The following ATG5 variants were observed in gnomAD, a reference collection of about 807,000 sequenced individuals.
The protein encoded by ATG5 is autophagy related 5.
In ATG5, 14 loss-of-function variants were observed where a neutral mutation model predicts 36.5. That is an observed-to-expected ratio of 0.38 (90% CI 0.25 to 0.60). The LOEUF (loss-of-function observed/expected upper bound fraction) is 0.60. Among genes scored for constraint, ATG5 ranks in the 20% least tolerant of loss-of-function variants. The probability of loss-of-function intolerance (pLI) is 0.60; values close to 1 mark genes in which losing one functional copy is unlikely to be tolerated. For synonymous variants in ATG5, 95 were observed against 101.5 expected, an observed-to-expected ratio of 0.94 and a Z score of 0.38; for missense variants, 195 against 326.7, an observed-to-expected ratio of 0.60 and a Z score of 3.11.
chr6:106,293,140 AT>A, intron 3 of ATG5, 34 bp from the exon 4 acceptor site: 1 of 1,568,532 alleles, frequency 6.4e-7, no homozygotes, highest in South Asian at 1.1e-5. Flanking sequence ...GAGAAAATAA[AT>A]ATTTAAAGTT....
chr6:106,287,779 G>A (rs776599871), intron 4 of ATG5, among the ~76,000 whole-genome samples: 5 of 151,950 alleles, frequency 3.3e-5, no homozygotes, highest in Non-Finnish European at 7.4e-5. Flanking sequence ...CATGGACAAA[G>A]AGAGAAAAAA....
intron 4 of ATG5, among the ~76,000 whole-genome samples, chr6:106,285,718 T>C (rs1780051040): frequency 6.6e-6 from 1 of 152,240 alleles, no homozygotes; most frequent in African/African-American, 2.4e-5. Flanking sequence ...TGTATATGAA[T>C]TTCCATGAGT....
At chr6:106,262,690 G>T (rs1462418396) in intron 5 of ATG5, among the ~76,000 whole-genome samples, 2 of 152,078 alleles carry the variant, frequency 1.3e-5, no homozygotes, top group Non-Finnish European at 2.9e-5. Flanking sequence ...TTAGGCAGTG[G>T]ATCCAACCCA....
At chr6:106,306,602 C>A (rs1266747403) in intron 3 of ATG5, among the ~76,000 whole-genome samples, 2 of 152,190 alleles carry the variant, frequency 1.3e-5, no homozygotes, top group African/African-American at 4.8e-5. Flanking sequence ...TTGAGAAATC[C>A]TGCTTTACAA....
At chr6:106,216,989 G>T (rs549760179) in intron 6 of ATG5, among the ~76,000 whole-genome samples, 2 of 151,932 alleles carry the variant, frequency 1.3e-5, no homozygotes, top group Admixed American at 6.5e-5. Context: ...CATATGGGTG[G>T]CAGGGGAAAT....
Position 106,316,115 on chromosome 6 carries a change from C to A in ATG5, c.94G>T (p.Ala32Ser), listed in dbSNP as rs1314441812. Residue 32 changes from alanine (A) to serine (S), a missense_variant, in exon 2 of 8, where the codon GCA becomes TCA. By Grantham distance (99) the Ala-to-Ser change is moderately conservative. Coordinates refer to ENST00000369076, the MANE Select transcript of ATG5 (RefSeq NM_004849.4). Reference sequence around the variant, plus strand: ...AATGTACTTACATAGTATGGTTCTGCTTCCCTTTCAGTTATCTCATCCTGA... The same window carrying A: ...AATGTACTTACATAGTATGGTTCTGATTCCCTTTCAGTTATCTCATCCTGA... ...LYQDEITERE[A>S]EPYYLLLPRV... The A allele has an allele frequency of 6.2e-7, 1 of 1,612,808 alleles. No homozygotes were observed. The highest frequency in any genetic ancestry group is 8.5e-7 in the Non-Finnish European group (1 of 1,179,230).
At chr6:106,198,296 T>G (rs1261232155) in intron 7 of ATG5, among the ~76,000 whole-genome samples, 1 of 152,152 alleles carries the variant, frequency 6.6e-6, no homozygotes, top group African/African-American at 2.4e-5. Context: ...AGGTTAGAGT[T>G]TGGTGAACAG....
chr6:106,239,869 C>T (rs1778047455), intron 6 of ATG5, among the ~76,000 whole-genome samples: 1 of 152,214 alleles, frequency 6.6e-6, no homozygotes, highest in Non-Finnish European at 1.5e-5. Flanking sequence ...CAGAGACCAT[C>T]TTGTCTACAA....
At chr6:106,237,377 T>A (rs896775141) in intron 6 of ATG5, among the ~76,000 whole-genome samples, 2 of 152,156 alleles carry the variant, frequency 1.3e-5, no homozygotes, top group Non-Finnish European at 1.5e-5. Context: ...TCAATAAACA[T>A]ATTCATCTTC....
At chr6:106,228,870 A>C (rs866296559) in intron 6 of ATG5, among the ~76,000 whole-genome samples, 5 of 152,154 alleles carry the variant, frequency 3.3e-5, no homozygotes, top group Middle Eastern at 3.4e-3. Flanking sequence ...TGGGTTGGGA[A>C]CCTTGGTCTG....
intron 2 of ATG5, among the ~76,000 whole-genome samples, chr6:106,313,649 A>C (rs746408070): frequency 6.6e-6 from 1 of 152,230 alleles, no homozygotes; most frequent in African/African-American, 2.4e-5. Context: ...TGATAAACAT[A>C]TAGGATATAG....
chr6:106,235,093 CA>C (rs1430232115), intron 6 of ATG5, among the ~76,000 whole-genome samples: 2 of 152,204 alleles, frequency 1.3e-5, no homozygotes, highest in African/African-American at 4.8e-5. Context: ...AGAGGAGCTT[CA>C]AAAACACCAG....
intron 6 of ATG5, among the ~76,000 whole-genome samples, chr6:106,226,233 G>A (rs1263989976): frequency 1.3e-5 from 2 of 152,138 alleles, no homozygotes; most frequent in African/African-American, 4.8e-5. Context: ...AACTTTAGGG[G>A]CCTGTGTGAT....
intron 7 of ATG5, among the ~76,000 whole-genome samples, chr6:106,193,524 AT>A (rs1346562784): frequency 6.6e-6 from 1 of 152,224 alleles, no homozygotes; most frequent in African/African-American, 2.4e-5. Flanking sequence ...AGTTGTAATT[AT>A]AAAAAGCAAA....
chr6:106,197,062 T>C (rs918028026), intron 7 of ATG5, among the ~76,000 whole-genome samples: 1 of 152,240 alleles, frequency 6.6e-6, no homozygotes, highest in Non-Finnish European at 1.5e-5. Context: ...GTGACAATTG[T>C]GCTGCTGTTA....
chr6:106,242,664 G>C (rs867244463), intron 6 of ATG5, among the ~76,000 whole-genome samples: 36 of 151,850 alleles, frequency 2.4e-4, no homozygotes, highest in Middle Eastern at 3.2e-3. Flanking sequence ...CATTCACCTG[G>C]GAAACAGAAT....
rs554500703 is a variant in ATG5 at position 106,323,228 on chromosome 6, T to C, written c.-59+2298A>G. Reference sequence around the variant, plus strand: ...AAGTTCTCCTATCATTATCACTCTGTGGTCTTTTCCGTTTCGCTAAGTGGA... The same window carrying C: ...AAGTTCTCCTATCATTATCACTCTGCGGTCTTTTCCGTTTCGCTAAGTGGA... On this transcript the variant is annotated intron_variant, in intron 1 of 7. Transcript: ENST00000369076. Among the ~76,000 whole-genome samples the C allele has an allele frequency of 1.7e-4, 26 of 150,414 alleles. 1 individual carries two copies. The South Asian group carries it at 5.5e-3, about 32-fold the overall frequency.
At chr6:106,197,772 C>T (rs1286797502) in intron 7 of ATG5, among the ~76,000 whole-genome samples, 3 of 152,122 alleles carry the variant, frequency 2.0e-5, no homozygotes, top group Non-Finnish European at 4.4e-5. Flanking sequence ...GGCAGTAGAG[C>T]TGTGAGTTAA....
chr6:106,251,424 G>A (rs1429228535), intron 5 of ATG5, among the ~76,000 whole-genome samples: 1 of 150,824 alleles, frequency 6.6e-6, no homozygotes, highest in Non-Finnish European at 1.5e-5. Flanking sequence ...ATATTTTATA[G>A]ACACTCTTTT....
Sources: allele counts gnomAD v4.1 joint callset (sites outside exome capture counted in the v4.1 genomes callset), GRCh38; gene constraint gnomAD v4.1.1; transcripts MANE v1.5; gene names NCBI Gene and HGNC (gene_info 2026-07-23, HGNC 2026-07-21).